PDE4D: variants seen among roughly 807,000 people sequenced by gnomAD.
PDE4D encodes the protein 3',5'-cyclic-AMP phosphodiesterase 4D.
In PDE4D, 24 loss-of-function variants were observed where a neutral mutation model predicts 87.4. That is an observed-to-expected ratio of 0.27 (90% CI 0.20 to 0.39). PDE4D has a LOEUF of 0.39. Among genes scored for constraint, PDE4D ranks in the 10% least tolerant of loss-of-function variants. The probability of loss-of-function intolerance (pLI) is 1.00; values close to 1 mark genes in which losing one functional copy is unlikely to be tolerated. For synonymous variants in PDE4D, 384 were observed against 383.2 expected, an observed-to-expected ratio of 1.00 and a Z score of -0.02; for missense variants, 714 against 1,041.0, an observed-to-expected ratio of 0.69 and a Z score of 4.32.
chr5:59,003,412 C>T (rs1025564134), intron 6 of PDE4D, among the ~76,000 whole-genome samples: 5 of 152,206 alleles, frequency 3.3e-5, no homozygotes, highest in Non-Finnish European at 7.3e-5. Flanking sequence ...AAAATACCCT[C>T]CTTCTTCTAC....
At position 59,850,652 on chromosome 5, in the gene PDE4D, C is replaced by T. The variant is rs181952729; in HGVS notation, c.455+42516G>A. Among the ~76,000 whole-genome samples the T allele has an allele frequency of 4.6e-5, 7 of 152,002 alleles. No homozygotes were observed. The East Asian group carries it at 9.8e-4, about 21-fold the overall frequency. Reference sequence around the variant, plus strand: ...AGGTGAAGGGGAATGAAAGGGATGACGCCAGAGATGGTACAGATTATGTCC... The same window carrying T: ...AGGTGAAGGGGAATGAAAGGGATGATGCCAGAGATGGTACAGATTATGTCC... On this transcript the variant is annotated intron_variant, in intron 1 of 14. Transcript: ENST00000340635.
At chr5:59,444,721 A>G (rs2034893) in intron 1 of PDE4D, among the ~76,000 whole-genome samples, 27,059 of 152,060 alleles carry the variant, frequency 0.18, 2,576 homozygotes, top group Admixed American at 0.22. Context: ...CTGAGGCAGG[A>G]GAATGGCATG....
intron 1 of PDE4D, among the ~76,000 whole-genome samples, chr5:60,363,052 TC>T (rs1278352822): frequency 3.9e-5 from 6 of 152,096 alleles, no homozygotes; most frequent in African/African-American, 1.2e-4. Context: ...TGTTTTCCCT[TC>T]TTTCTATTGG....
intron 2 of PDE4D, among the ~76,000 whole-genome samples, chr5:60,147,458 G>A (rs2149434110): frequency 6.6e-6 from 1 of 152,252 alleles, no homozygotes; most frequent in East Asian, 1.9e-4. Context: ...AATTTTCTAG[G>A]ATTAACAGGG....
At chr5:58,976,209 T>G (rs569223863) in intron 13 of PDE4D, 141 bp downstream of exon 13, 114 of 891,110 alleles carry the variant, frequency 1.3e-4, no homozygotes, top group Non-Finnish European at 1.7e-4. Context: ...GGAATAAAAA[T>G]TTGGATAAAA....
In PDE4D at chr5:59,190,030, C is replaced by T. The variant is rs1561665551; in HGVS notation, c.684+3470G>A. Among the ~76,000 whole-genome samples the T allele has an allele frequency of 3.3e-5, 5 of 152,330 alleles. No individual in the cohort carries two copies. The East Asian group carries it at 5.8e-4, about 18-fold the overall frequency. On this transcript the variant is annotated intron_variant, in intron 3 of 14. Transcript: ENST00000340635. ...CAAAAAAGTGCAATCTATCTTTGCA[C>T]GGCTTCCTAAATTCTCCTCTAATTT... is the stretch of plus-strand genomic sequence containing the variant.
chr5:59,587,472 A>G, intron 1 of PDE4D: 2 of 985,400 alleles, frequency 2.0e-6, no homozygotes, highest in Non-Finnish European at 2.4e-6. Flanking sequence ...TTTAAAACAC[A>G]ATGGCAACAG....
intron 5 of PDE4D, among the ~76,000 whole-genome samples, chr5:59,178,391 G>A (rs1254859730): frequency 6.6e-6 from 1 of 152,120 alleles, no homozygotes; most frequent in East Asian, 1.9e-4. Flanking sequence ...CTTGTCCCTA[G>A]GCCTCAGGTC....
At chr5:59,240,783 C>A (rs1454480437) in intron 1 of PDE4D, among the ~76,000 whole-genome samples, 1 of 60,868 alleles carries the variant, frequency 1.6e-5, no homozygotes, top group Non-Finnish European at 3.3e-5. Context: ...TTCACAAACA[C>A]ACACACACAC....
At chr5:59,661,958 C>T (rs749536509) in intron 1 of PDE4D, among the ~76,000 whole-genome samples, 2 of 152,048 alleles carry the variant, frequency 1.3e-5, no homozygotes, top group Non-Finnish European at 2.9e-5. Context: ...AATGTTCAGG[C>T]GTTCTGGGAG....
chr5:60,076,824 A>G (rs915151804), intron 2 of PDE4D, among the ~76,000 whole-genome samples: 2 of 152,216 alleles, frequency 1.3e-5, no homozygotes, highest in Non-Finnish European at 2.9e-5. Context: ...TGACAGTGGC[A>G]ACACAGCAGG....
chr5:59,409,515 T>C (rs1368099841), intron 1 of PDE4D, among the ~76,000 whole-genome samples: 1 of 152,112 alleles, frequency 6.6e-6, no homozygotes, highest in African/African-American at 2.4e-5. Flanking sequence ...CCCTTATGGC[T>C]TGGTGAGTGA....
chr5:60,248,488 T>C (rs942210033), intron 1 of PDE4D, among the ~76,000 whole-genome samples: 33 of 152,008 alleles, frequency 2.2e-4, no homozygotes, highest in Admixed American at 6.6e-5. Flanking sequence ...AGACTTGTAT[T>C]TTCAAGGATG....
At chr5:59,581,712 G>T (rs566314190) in intron 1 of PDE4D, among the ~76,000 whole-genome samples, 6 of 152,070 alleles carry the variant, frequency 3.9e-5, no homozygotes, top group Middle Eastern at 3.4e-3. Context: ...ATACTTAATC[G>T]AATTATTTTT....
At chr5:59,555,104 A>G (rs1275962365) in intron 1 of PDE4D, among the ~76,000 whole-genome samples, 1 of 152,222 alleles carries the variant, frequency 6.6e-6, no homozygotes, top group Non-Finnish European at 1.5e-5. Flanking sequence ...ATCAACCTAA[A>G]TGCCCATCAA....
At chr5:59,426,013 C>T (rs1228528506) in intron 1 of PDE4D, among the ~76,000 whole-genome samples, 1 of 152,068 alleles carries the variant, frequency 6.6e-6, no homozygotes, top group Non-Finnish European at 1.5e-5. Flanking sequence ...TTAGGGTGGG[C>T]CTTAATCCAG....
chr5:59,879,260 A>C (rs967957461), intron 1 of PDE4D, among the ~76,000 whole-genome samples: 1 of 152,176 alleles, frequency 6.6e-6, no homozygotes, highest in African/African-American at 2.4e-5. Flanking sequence ...CTTAAAACCA[A>C]TCAGTGCCTC....
At chr5:60,481,700 C>T (rs2150217052) in intron 1 of PDE4D, among the ~76,000 whole-genome samples, 1 of 152,182 alleles carries the variant, frequency 6.6e-6, no homozygotes, top group Non-Finnish European at 1.5e-5. Context: ...GATTCAAATA[C>T]CTGACATAGA....
intron 6 of PDE4D, among the ~76,000 whole-genome samples, chr5:59,023,406 G>T (rs1755588964): frequency 6.6e-6 from 1 of 151,468 alleles, no homozygotes. Context: ...CAAGGCAGGA[G>T]GATCACTTGA....
Sources: allele counts gnomAD v4.1 joint callset (sites outside exome capture counted in the v4.1 genomes callset), GRCh38; gene constraint gnomAD v4.1.1; transcripts MANE v1.5; gene names NCBI Gene and HGNC (gene_info 2026-07-23, HGNC 2026-07-21).